The following MTRF1 variants were observed in gnomAD, a reference collection of about 807,000 sequenced individuals.
MTRF1 encodes peptide chain release factor 1, mitochondrial.
In MTRF1, 51 loss-of-function variants were observed where a neutral mutation model predicts 62.9. The observed-to-expected ratio is 0.81, with a 90% CI of 0.65 to 1.02. The LOEUF (loss-of-function observed/expected upper bound fraction) is 1.02, where lower values mean the gene tolerates loss of function less well. MTRF1 is among the 50% of genes least tolerant of loss of function. The probability of loss-of-function intolerance (pLI) is 0.00; values close to 1 mark genes in which losing one functional copy is unlikely to be tolerated. For missense variants in MTRF1, 446 were observed against 530.0 expected, an observed-to-expected ratio of 0.84 and a Z score of 1.56; for synonymous variants, 158 against 181.9, an observed-to-expected ratio of 0.87 and a Z score of 1.06.
At chr13:41,285,305 T>C in the MTRF1 span, among the ~76,000 whole-genome samples, 190 of 152,316 alleles carry the variant, frequency 1.2e-3, no homozygotes, top group African/African-American at 4.5e-3. Context: ...CCCAACTTGG[T>C]TGGCGTGTCT....
the MTRF1 span, among the ~76,000 whole-genome samples, chr13:41,281,865 G>C: frequency 0.11 from 16,195 of 152,222 alleles, 940 homozygotes; most frequent in East Asian, 0.2. Context: ...GGCCGGGCAC[G>C]GTGGCTCATG....
intron 2 of MTRF1, among the ~76,000 whole-genome samples, chr13:41,255,320 G>T (rs372604222): frequency 2.6e-5 from 4 of 152,106 alleles, no homozygotes; most frequent in Non-Finnish European, 4.4e-5. Flanking sequence ...GGACTCAAGC[G>T]ATCTTCCTGC....
At chr13:41,223,484 A>G in intron 8 of MTRF1, 130 bp from the exon 9 acceptor site, 1 of 691,750 alleles carries the variant, frequency 1.4e-6, no homozygotes, top group Non-Finnish European at 2.4e-6. Context: ...CAAAATGACA[A>G]AGAAAAAGAA....
At chr13:41,219,046 T>C (rs2032583702) in intron 9 of MTRF1, among the ~76,000 whole-genome samples, 1 of 148,252 alleles carries the variant, frequency 6.7e-6, no homozygotes, top group Admixed American at 6.8e-5. Flanking sequence ...ATCCCAGCAT[T>C]TCGCAAGGCT....
chr13:41,275,519 T>G, the MTRF1 span, among the ~76,000 whole-genome samples: 5 of 121,084 alleles, frequency 4.1e-5, no homozygotes, highest in Admixed American at 8.5e-5. Flanking sequence ...TGAGACAGAG[T>G]TTTTGCTCTG....
At chr13:41,220,322 CG>C (rs141282325) in intron 9 of MTRF1, among the ~76,000 whole-genome samples, 11,741 of 58,788 alleles carry the variant, frequency 0.2, 1,375 homozygotes, top group African/African-American at 0.25. Context: ...GAATCTGTCT[CG>C]GAAAAAAAAA....
At chr13:41,295,848 C>T in the MTRF1 span, among the ~76,000 whole-genome samples, 2 of 152,068 alleles carry the variant, frequency 1.3e-5, no homozygotes, top group African/African-American at 4.8e-5. Context: ...GTTGTGTGAT[C>T]GTAGTTCACT....
chr13:41,242,885 A>G (rs2037712081), intron 5 of MTRF1, among the ~76,000 whole-genome samples: 1 of 152,014 alleles, frequency 6.6e-6, no homozygotes, highest in Admixed American at 6.6e-5. Flanking sequence ...GGAGTTCAAG[A>G]CCATCCTGGG....
chr13:41,217,258 T>A lies in MTRF1; in HGVS notation c.1225-30A>T, dbSNP rs2032065251. 2.4e-6 allele frequency: 3 copies of A among 1,273,024 alleles called. No homozygotes were observed. The East Asian group carries it at 7.0e-5, about 30-fold the overall frequency. The allele number at this position is 1,273,024 out of a possible 1,614,324, so 78.9% of individuals were successfully genotyped here. On this transcript the variant is annotated intron_variant, in intron 9 of 9. Coordinates refer to ENST00000379480, the MANE Select transcript of MTRF1 (RefSeq NM_004294.4). Reference sequence around the variant, plus strand: ...TAAAAGAGAGAGCTATTATGAAACCTAATGATTAGAAATATAAGCAAAGAC... The same window carrying A: ...TAAAAGAGAGAGCTATTATGAAACCAAATGATTAGAAATATAAGCAAAGAC...
intron 5 of MTRF1, among the ~76,000 whole-genome samples, chr13:41,242,946 C>T (rs577475920): frequency 1.1e-4 from 16 of 152,156 alleles, no homozygotes; most frequent in South Asian, 4.1e-4. Flanking sequence ...TATGGTCAGG[C>T]GCTGTGGCTC....
chr13:41,223,978 A>C (rs1212670537), intron 8 of MTRF1, among the ~76,000 whole-genome samples: 3 of 152,142 alleles, frequency 2.0e-5, no homozygotes, highest in African/African-American at 7.2e-5. Flanking sequence ...TTTTCTGATA[A>C]ATTTTCTTTG....
At chr13:41,309,277 T>C in the MTRF1 span, among the ~76,000 whole-genome samples, 36 of 151,890 alleles carry the variant, frequency 2.4e-4, no homozygotes, top group Admixed American at 2.2e-3. Context: ...CCAGGCTCAA[T>C]TGATCCTCGC....
At chr13:41,273,769 G>A in the MTRF1 span, among the ~76,000 whole-genome samples, 425 of 152,126 alleles carry the variant, frequency 2.8e-3, 2 homozygotes, top group African/African-American at 9.0e-3. Flanking sequence ...CCTGGGAGGC[G>A]GAGGTTGCAG....
At chr13:41,280,023 C>T in the MTRF1 span, among the ~76,000 whole-genome samples, 1 of 152,128 alleles carries the variant, frequency 6.6e-6, no homozygotes, top group African/African-American at 2.4e-5. Context: ...CCACAACCTC[C>T]GTCTCCCAGG....
intron 4 of MTRF1, 83 bp from the exon 5 acceptor site, chr13:41,252,835 A>G: frequency 1.4e-6 from 2 of 1,380,614 alleles, no homozygotes; most frequent in Non-Finnish European, 2.0e-6. Context: ...GAAATAAAGA[A>G]TAACTATTTC....
chr13:41,301,045 TAAATAAG>T, the MTRF1 span, among the ~76,000 whole-genome samples: 1 of 152,166 alleles, frequency 6.6e-6, no homozygotes, highest in Non-Finnish European at 1.5e-5. Context: ...TCATAAAGAT[TAAATAAG>T]AAATAGCAAA....
rs781109502 is a variant in MTRF1, at chr13:41,217,173, G to A, written c.1280C>T (p.Ser427Leu). 5.0e-6 allele frequency: 8 copies of A among 1,609,428 alleles called. No homozygotes were observed. Among genetic ancestry groups the A allele is most frequent in the South Asian group, 1.1e-5 (1 of 90,074 alleles). The change falls in exon 10 of 10, where the codon TCA (serine) becomes TTA (leucine). Residue 427 changes from serine to leucine, a missense_variant. Transcript: ENST00000379480. ...TTCAGCAATGGCTTCTTCATCTGCTGATTGAAGCAGTCTCTGAATTAGCTG... is the reference window on the plus strand; with the variant it reads ...TTCAGCAATGGCTTCTTCATCTGCTAATTGAAGCAGTCTCTGAATTAGCTG... ...LDQLIQRLLQ[S>L]ADEEAIAELL...
intron 6 of MTRF1, among the ~76,000 whole-genome samples, chr13:41,234,962 T>G (rs1018841325): frequency 6.6e-6 from 1 of 152,216 alleles, no homozygotes; most frequent in Admixed American, 6.5e-5. Context: ...GCAAGTCACC[T>G]GACACTCCTG....
intron 5 of MTRF1, among the ~76,000 whole-genome samples, chr13:41,245,602 T>C (rs1482826635): frequency 6.6e-6 from 1 of 152,220 alleles, no homozygotes; most frequent in Non-Finnish European, 1.5e-5. Context: ...TGTAGTCATA[T>C]CTTTCTAATG....
Sources: gnomAD v4.1 joint callset for allele counts (sites outside exome capture counted in the v4.1 genomes callset) on GRCh38, gnomAD v4.1.1 for gene constraint, MANE v1.5 for transcripts, NCBI Gene and HGNC (gene_info 2026-07-23, HGNC 2026-07-21) for gene names.